ARK2C: variants seen among roughly 807,000 people sequenced by gnomAD.
ARK2C encodes arkadia (RNF111) C-terminal like ring finger ubiquitin ligase 2C.
the ARK2C span, among the ~76,000 whole-genome samples, chr18:46,360,393 C>T: frequency 6.6e-6 from 1 of 152,226 alleles, no homozygotes; most frequent in South Asian, 2.1e-4. Context: ...AGGGTAGGCC[C>T]TGCTGGACAA....
At chr18:46,401,092 G>A in the ARK2C span, among the ~76,000 whole-genome samples, 2 of 152,146 alleles carry the variant, frequency 1.3e-5, no homozygotes, top group Non-Finnish European at 2.9e-5. Flanking sequence ...ACACAGGGAC[G>A]TGGGACACAA....
chr18:46,456,121 A>G, the ARK2C span: 8 of 1,244,080 alleles, frequency 6.4e-6, no homozygotes, highest in Non-Finnish European at 9.3e-6. Context: ...CCTCTCTTAT[A>G]GGTATTGGTG....
the ARK2C span, among the ~76,000 whole-genome samples, chr18:46,449,516 T>A: frequency 3.9e-5 from 6 of 152,094 alleles, no homozygotes; most frequent in African/African-American, 1.4e-4. Flanking sequence ...AGTGATATGG[T>A]TTGGCTCTGT....
chr18:46,379,551 C>G, the ARK2C span, among the ~76,000 whole-genome samples: 1 of 152,180 alleles, frequency 6.6e-6, no homozygotes, highest in Non-Finnish European at 1.5e-5. Context: ...GCACCGCCCT[C>G]ATTTGTTTCT....
the ARK2C span, among the ~76,000 whole-genome samples, chr18:46,374,949 C>T: frequency 2.6e-5 from 4 of 152,216 alleles, no homozygotes; most frequent in African/African-American, 4.8e-5. Context: ...TTCCCTACTG[C>T]CCTCCTGGCT....
At chr18:46,345,683 A>T in the ARK2C span, among the ~76,000 whole-genome samples, 95,379 of 152,136 alleles carry the variant, frequency 0.63, 30,068 homozygotes, top group East Asian at 0.74. Flanking sequence ...TGGGGAAAAC[A>T]TGAAGTTTAT....
the ARK2C span, among the ~76,000 whole-genome samples, chr18:46,425,277 T>A: frequency 1.7e-4 from 26 of 152,238 alleles, 1 homozygote; most frequent in South Asian, 2.7e-3. Context: ...GGATCCCACA[T>A]CCCTGGAGCA....
At chr18:46,340,463 A>G in the ARK2C span, among the ~76,000 whole-genome samples, 2 of 152,224 alleles carry the variant, frequency 1.3e-5, no homozygotes, top group African/African-American at 4.8e-5. Context: ...AGGGGGATAC[A>G]GAAGAAATGG....
At chr18:46,345,349 G>T in the ARK2C span, among the ~76,000 whole-genome samples, 1 of 152,300 alleles carries the variant, frequency 6.6e-6, no homozygotes, top group Admixed American at 6.5e-5. Flanking sequence ...GTTGATTGAG[G>T]TGGGAGAGAA....
At chr18:46,335,868 T>C in the ARK2C span, 1 of 984,254 alleles carries the variant, frequency 1.0e-6, no homozygotes. Context: ...ATCAAATCTT[T>C]TTTTTTCTTC....
the ARK2C span, among the ~76,000 whole-genome samples, chr18:46,366,022 G>A: frequency 6.6e-6 from 1 of 152,088 alleles, no homozygotes; most frequent in Admixed American, 6.6e-5. Context: ...GCTGGGCGCG[G>A]TGGCTCACAC....
the ARK2C span, among the ~76,000 whole-genome samples, chr18:46,348,925 T>C: frequency 2.6e-5 from 4 of 151,662 alleles, no homozygotes; most frequent in East Asian, 3.9e-4. Flanking sequence ...TGTGTGTGTG[T>C]GTGTGTGTGT....
At chr18:46,446,670 CAAA>C in the ARK2C span, among the ~76,000 whole-genome samples, 172 of 34,338 alleles carry the variant, frequency 5.0e-3, no homozygotes, top group Non-Finnish European at 7.6e-3. Flanking sequence ...GACTCCATCT[CAAA>C]AAAAAAAAAA....
At chr18:46,407,976 G>C in the ARK2C span, among the ~76,000 whole-genome samples, 1 of 152,212 alleles carries the variant, frequency 6.6e-6, no homozygotes, top group South Asian at 2.1e-4. Flanking sequence ...CCTGGGGGAG[G>C]TGGCATAGCA....
At chr18:46,344,168 G>T in the ARK2C span, among the ~76,000 whole-genome samples, 1 of 152,190 alleles carries the variant, frequency 6.6e-6, no homozygotes. Context: ...GAAAGGAAGC[G>T]GCGGCTGCTG....
the ARK2C span, chr18:46,337,645 A>G: frequency 1.0e-6 from 1 of 964,560 alleles, no homozygotes; most frequent in Non-Finnish European, 1.2e-6. Context: ...TAGTTTTCCT[A>G]TATTAACCTA....
the ARK2C span, among the ~76,000 whole-genome samples, chr18:46,454,438 A>G: frequency 6.6e-6 from 1 of 152,152 alleles, no homozygotes; most frequent in African/African-American, 2.4e-5. Context: ...ATACGGGACT[A>G]TGGATGTAAT....
chr18:46,346,073 G>A, the ARK2C span, among the ~76,000 whole-genome samples: 1 of 152,214 alleles, frequency 6.6e-6, no homozygotes, highest in African/African-American at 2.4e-5. Flanking sequence ...ATGGGGTGCT[G>A]TGTGGGATGC....
chr18:46,352,154 G>C, the ARK2C span, among the ~76,000 whole-genome samples: 1 of 152,070 alleles, frequency 6.6e-6, no homozygotes, highest in Non-Finnish European at 1.5e-5. Flanking sequence ...GGAGACATTT[G>C]GGAACCCTCC....
Sources: gnomAD v4.1 joint callset for allele counts (sites outside exome capture counted in the v4.1 genomes callset) on GRCh38, gnomAD v4.1.1 for gene constraint, MANE v1.5 for transcripts, NCBI Gene and HGNC (gene_info 2026-07-23, HGNC 2026-07-21) for gene names.